Variants in LRRC28 observed in about 807,000 individuals in gnomAD.
The protein encoded by LRRC28 is leucine-rich repeat-containing protein 28.
In LRRC28, 39 loss-of-function variants were observed where a neutral mutation model predicts 45.7. That is an observed-to-expected ratio of 0.85 (90% CI 0.66 to 1.12). The LOEUF is 1.12. Among genes scored for constraint, LRRC28 ranks in the 50% most tolerant of loss-of-function variants. The probability of loss-of-function intolerance (pLI) is 0.00; values close to 1 mark genes in which losing one functional copy is unlikely to be tolerated. For synonymous variants in LRRC28, 206 were observed against 178.8 expected (o/e 1.15, Z -1.22); for missense variants, 435 against 438.5 (o/e 0.99, Z 0.07).
rs999590729 is a variant in LRRC28 at position 99,301,173 on chromosome 15, C to A, written c.385+13222C>A. On this transcript the variant is annotated intron_variant, in intron 5 of 9. Coordinates refer to ENST00000301981, the MANE Select transcript of LRRC28 (RefSeq NM_144598.5). Reference sequence around the variant, plus strand: ...AATATGTATTTTACAAAGACCAAATCCCTAAATTATTTAGCAATCTAAGAG... The same window carrying A: ...AATATGTATTTTACAAAGACCAAATACCTAAATTATTTAGCAATCTAAGAG... 6.6e-5 allele frequency among the ~76,000 whole-genome samples: 10 copies of A among 152,218 alleles called. No individual in the cohort carries two copies. The South Asian group carries it at 1.0e-3, about 16-fold the overall frequency.
In LRRC28 at chr15:99,388,786, A is replaced by G. The variant is rs1216096162; in HGVS notation, c.*2684A>G. 2.0e-5 allele frequency: 3 copies of G among 152,252 alleles called. No individual in the cohort carries two copies. The highest frequency in any genetic ancestry group is 7.2e-5 in the African/African-American group (3 of 41,466). The allele number at this position is 152,252 out of a possible 1,614,324, so 9.4% of individuals were successfully genotyped here. A position where few individuals can be genotyped will look rare whatever the true frequency, so the allele number is the denominator to read the frequency against. ...AAAAAAAGTGAGCTACTTGGAAAGTATCATCTCTGTTCAGGTAAGTTTACT... is the reference window on the plus strand; with the variant it reads ...AAAAAAAGTGAGCTACTTGGAAAGTGTCATCTCTGTTCAGGTAAGTTTACT... On this transcript the variant is annotated 3_prime_UTR_variant, in exon 10 of 10. Transcript: ENST00000301981.
chr15:99,364,399 G>T (rs1957287581), intron 9 of LRRC28, among the ~76,000 whole-genome samples: 1 of 152,100 alleles, frequency 6.6e-6, no homozygotes, highest in Non-Finnish European at 1.5e-5. Flanking sequence ...ATCCTGTTTT[G>T]CTATATTTCA....
intron 6 of LRRC28, among the ~76,000 whole-genome samples, chr15:99,342,005 TC>T (rs762478546): frequency 1.3e-5 from 2 of 152,204 alleles, no homozygotes; most frequent in African/African-American, 2.4e-5. Context: ...ATTTTGCTCT[TC>T]ATACAAGCAG....
At chr15:99,268,634 G>A (rs1278629583) in intron 2 of LRRC28, among the ~76,000 whole-genome samples, 1 of 152,140 alleles carries the variant, frequency 6.6e-6, no homozygotes, top group Non-Finnish European at 1.5e-5. Flanking sequence ...TAAGGCACTT[G>A]TACACGGATC....
chr15:99,252,895 G>A (rs2080888394), intron 1 of LRRC28, among the ~76,000 whole-genome samples: 1 of 152,186 alleles, frequency 6.6e-6, no homozygotes, highest in African/African-American at 2.4e-5. Flanking sequence ...TTTAGTTACT[G>A]TGCTAGATGC....
intron 2 of LRRC28, among the ~76,000 whole-genome samples, chr15:99,268,693 A>G (rs942203670): frequency 8.5e-5 from 13 of 152,196 alleles, no homozygotes; most frequent in African/African-American, 1.9e-4. Context: ...CAGTTATGTC[A>G]TAAACTTACA....
At chr15:99,265,792 A>G (rs886531638) in intron 2 of LRRC28, among the ~76,000 whole-genome samples, 1 of 152,224 alleles carries the variant, frequency 6.6e-6, no homozygotes, top group African/African-American at 2.4e-5. Flanking sequence ...TTTGGACCTC[A>G]GTTCCTTTAT....
At chr15:99,309,364 T>C (rs959012910) in intron 5 of LRRC28, among the ~76,000 whole-genome samples, 4 of 140,630 alleles carry the variant, frequency 2.8e-5, no homozygotes, top group Non-Finnish European at 6.1e-5. Flanking sequence ...TTGATTGTTA[T>C]GAACTAGTCT....
At position 99,387,248 on chromosome 15, in the gene LRRC28, G is replaced by C. The variant is rs1324860035; in HGVS notation, c.*1146G>C. The C allele has an allele frequency of 6.6e-6, 1 of 150,712 alleles. No individual in the cohort carries two copies. The highest frequency in any genetic ancestry group is 6.6e-5 in the Admixed American group (1 of 15,060). 9.3% of individuals were successfully genotyped at this position (150,712 alleles called of 1,614,324 possible). The stretch of plus-strand genomic sequence containing the variant: ...GCTAATTTTTTGTATTTTTAGTAGA[G>C]ACGGGGTTTCACCGTGTTAGCCGGG... On this transcript the variant is annotated 3_prime_UTR_variant, in exon 10 of 10. Transcript: ENST00000301981.
intron 2 of LRRC28, chr15:99,257,979 T>C: frequency 1.2e-6 from 1 of 835,294 alleles, no homozygotes; most frequent in Non-Finnish European, 2.1e-6. Flanking sequence ...CTGATATCAC[T>C]GACTAATGAA....
At chr15:99,369,000 T>G (rs1266807729) in intron 9 of LRRC28, among the ~76,000 whole-genome samples, 2 of 152,216 alleles carry the variant, frequency 1.3e-5, no homozygotes, top group African/African-American at 4.8e-5. Flanking sequence ...CAAATTCTGC[T>G]TTCCATCCAA....
At chr15:99,272,272 C>G (rs565512286) in intron 2 of LRRC28, among the ~76,000 whole-genome samples, 13 of 152,182 alleles carry the variant, frequency 8.5e-5, no homozygotes, top group Non-Finnish European at 1.6e-4. Context: ...AGCCTGGAGC[C>G]TCTGCCCAGG....
At chr15:99,276,090 A>C (rs2081610212) in intron 2 of LRRC28, among the ~76,000 whole-genome samples, 1 of 151,736 alleles carries the variant, frequency 6.6e-6, no homozygotes, top group South Asian at 2.1e-4. Flanking sequence ...TGTTATGAGA[A>C]TCTAGTGCCT....
chr15:99,256,665 G>A lies in LRRC28; in HGVS notation c.168+540G>A, dbSNP rs555610344. 2.0e-5 allele frequency among the ~76,000 whole-genome samples: 3 copies of A among 152,166 alleles called. No homozygotes were observed. The East Asian group carries it at 5.8e-4, about 29-fold the overall frequency. On this transcript the variant is annotated intron_variant, in intron 2 of 9. Transcript: ENST00000301981. ...GTGAAACTCAAATGATTTTGAATTG[G>A]GCTAGCATACAATTTTTTGGAAAAA... is the stretch of plus-strand genomic sequence containing the variant.
chr15:99,349,076 G>T (rs947561572), intron 6 of LRRC28, among the ~76,000 whole-genome samples: 3 of 151,926 alleles, frequency 2.0e-5, no homozygotes, highest in African/African-American at 7.3e-5. Flanking sequence ...TCTTTGGTAG[G>T]TTGTTATTTG....
intron 6 of LRRC28, among the ~76,000 whole-genome samples, chr15:99,346,430 G>C (rs1334133522): frequency 6.6e-6 from 1 of 152,116 alleles, no homozygotes; most frequent in African/African-American, 2.4e-5. Context: ...TTTGTTTTAT[G>C]ATAAATTACA....
At chr15:99,351,092 A>AC (rs929017799) in intron 6 of LRRC28, among the ~76,000 whole-genome samples, 10 of 150,386 alleles carry the variant, frequency 6.6e-5, no homozygotes, top group Non-Finnish European at 1.5e-4. Flanking sequence ...AAGCACCACC[A>AC]CCCCCCACCC....
intron 9 of LRRC28, among the ~76,000 whole-genome samples, chr15:99,381,302 C>G (rs532356896): frequency 4.6e-5 from 7 of 152,096 alleles, no homozygotes; most frequent in Admixed American, 1.3e-4. Flanking sequence ...TCACTGATAC[C>G]CTTTCTTCCA....
At position 99,266,233 on chromosome 15, in the gene LRRC28, C is replaced by T. The variant is rs147980116; in HGVS notation, c.168+10108C>T. Among the ~76,000 whole-genome samples, 611 of 152,246 alleles carry T rather than the reference C, an allele frequency of 4.0e-3. 2 individuals carry two copies. Among genetic ancestry groups the T allele is most frequent in the Middle Eastern group, 0.01 (3 of 294 alleles). ...CCTGTTAGCCCAGGAGAAAAACATT[C>T]CTGACTTTCTGCTTCAAATATGAAC... is the stretch of plus-strand genomic sequence containing the variant. On this transcript the variant is annotated intron_variant, in intron 2 of 9. Transcript: ENST00000301981.
Sources: gnomAD v4.1 joint callset for allele counts (sites outside exome capture counted in the v4.1 genomes callset) on GRCh38, gnomAD v4.1.1 for gene constraint, MANE v1.5 for transcripts, NCBI Gene and HGNC (gene_info 2026-07-23, HGNC 2026-07-21) for gene names.